Variants in APP observed in about 807,000 individuals in gnomAD.
The protein encoded by APP is amyloid-beta precursor protein.
A neutral mutation model predicts 101.4 loss-of-function variants in APP; 31 were observed. The observed-to-expected ratio is 0.31, with a 90% CI of 0.23 to 0.41. The LOEUF (loss-of-function observed/expected upper bound fraction) is 0.41. APP is among the 10% of genes least tolerant of loss of function. The pLI is 1.00. For synonymous variants in APP, 366 were observed against 364.4 expected (o/e 1.00, Z -0.05); for missense variants, 839 against 1,003.7 (o/e 0.84, Z 2.22).
chr21:25,964,606 C>CTTTTTTTTTTTTTTT (rs150904952), intron 11 of APP, among the ~76,000 whole-genome samples: 1 of 122,568 alleles, frequency 8.2e-6, no homozygotes, highest in Non-Finnish European at 1.7e-5. Context: ...TTTTTCTTTT[C>CTTTTTTTTTTTTTTT]TTTTTTTTTT....
Position 25,956,093 on chromosome 21 carries a change from G to A in APP, c.1459-338C>T, listed in dbSNP as rs140923562. Among the ~76,000 whole-genome samples the A allele has an allele frequency of 3.9e-3, 601 of 152,184 alleles. 4 individuals are homozygous for A. Among genetic ancestry groups the A allele is most frequent in the Non-Finnish European group, 6.3e-3 (429 of 68,008 alleles). ...GGTTAAGTTAGGTCCTTCTCTTTTC[G>A]CACCCAAGGGGCATATGTGAGACTA... On this transcript the variant is annotated intron_variant, in intron 11 of 17. Coordinates refer to ENST00000346798, the MANE Select transcript of APP (RefSeq NM_000484.4).
intron 13 of APP, chr21:25,942,763 C>A (rs903507742): frequency 5.3e-5 from 8 of 152,078 alleles, no homozygotes; most frequent in African/African-American, 1.7e-4. Context: ...ATATATATAT[C>A]CTATCATGGT....
intron 11 of APP, among the ~76,000 whole-genome samples, chr21:25,960,755 T>C (rs1023920396): frequency 5.9e-5 from 9 of 152,164 alleles, no homozygotes; most frequent in African/African-American, 1.4e-4. Flanking sequence ...CTTTTCTTCC[T>C]AATGCCTATT....
intron 13 of APP, among the ~76,000 whole-genome samples, chr21:25,924,759 C>A (rs1210259537): frequency 6.6e-6 from 1 of 151,292 alleles, no homozygotes; most frequent in Non-Finnish European, 1.5e-5. Flanking sequence ...GCACATGTAT[C>A]CCAGAACTTA....
chr21:25,912,839 T>G (rs1051959940), intron 13 of APP, among the ~76,000 whole-genome samples: 1 of 152,236 alleles, frequency 6.6e-6, no homozygotes, highest in Non-Finnish European at 1.5e-5. Flanking sequence ...TTGTATCATG[T>G]GTAATTACTG....
intron 3 of APP, among the ~76,000 whole-genome samples, chr21:26,066,911 T>C (rs1054176881): frequency 1.3e-5 from 2 of 152,102 alleles, no homozygotes; most frequent in African/African-American, 4.8e-5. Flanking sequence ...GCCAGAGAGG[T>C]GCACATAGGG....
intron 1 of APP, among the ~76,000 whole-genome samples, chr21:26,155,767 G>A (rs907257956): frequency 6.6e-6 from 1 of 152,226 alleles, no homozygotes; most frequent in Admixed American, 6.5e-5. Context: ...AGGCCGAGAC[G>A]GGTGGATCAT....
intron 6 of APP, among the ~76,000 whole-genome samples, chr21:26,001,807 G>T (rs2043306377): frequency 6.6e-6 from 1 of 152,266 alleles, no homozygotes; most frequent in Non-Finnish European, 1.5e-5. Context: ...TCCTTCAACA[G>T]ATTGATTCTA....
intron 1 of APP, among the ~76,000 whole-genome samples, chr21:26,157,190 C>T (rs965445981): frequency 6.6e-6 from 1 of 152,140 alleles, no homozygotes; most frequent in South Asian, 2.1e-4. Flanking sequence ...CTGTCTCAGC[C>T]TCCCGAGTAA....
At chr21:26,024,032 A>G (rs1482153255) in intron 5 of APP, among the ~76,000 whole-genome samples, 3 of 152,222 alleles carry the variant, frequency 2.0e-5, no homozygotes, top group African/African-American at 7.2e-5. Flanking sequence ...GAACAAAATT[A>G]AAAAGGCCTA....
At chr21:25,947,601 C>T (rs1253092171) in intron 13 of APP, among the ~76,000 whole-genome samples, 1 of 152,324 alleles carries the variant, frequency 6.6e-6, no homozygotes, top group Admixed American at 6.5e-5. Context: ...GCTAAACTTA[C>T]AGGCCTCATG....
chr21:25,984,384 T>C (rs2042559721), intron 8 of APP, among the ~76,000 whole-genome samples: 1 of 152,152 alleles, frequency 6.6e-6, no homozygotes, highest in African/African-American at 2.4e-5. Flanking sequence ...AAAAGCAGTA[T>C]GTATTTTTCA....
At chr21:25,981,058 G>T (rs1018272860) in intron 9 of APP, among the ~76,000 whole-genome samples, 6 of 152,314 alleles carry the variant, frequency 3.9e-5, no homozygotes, top group Non-Finnish European at 7.4e-5. Flanking sequence ...CAGGTGAATA[G>T]TGGCCCAGAG....
intron 8 of APP, among the ~76,000 whole-genome samples, chr21:25,993,282 C>T (rs2042938144): frequency 1.3e-5 from 1 of 79,914 alleles, no homozygotes; most frequent in African/African-American, 5.1e-5. Flanking sequence ...TACACCTCTG[C>T]ACAAACTATA....
intron 13 of APP, among the ~76,000 whole-genome samples, chr21:25,939,902 CAAGGT>C (rs2040504402): frequency 6.6e-6 from 1 of 151,882 alleles, no homozygotes; most frequent in Admixed American, 6.6e-5. Context: ...GGGACAACAG[CAAGGT>C]ATATTAGGAG....
chr21:25,907,966 G>A (rs997845217), intron 14 of APP, among the ~76,000 whole-genome samples: 1 of 152,172 alleles, frequency 6.6e-6, no homozygotes, highest in Non-Finnish European at 1.5e-5. Context: ...TATAAGACCT[G>A]CTTTGTCTCT....
chr21:25,971,740 CCT>C (rs2146557380), intron 11 of APP, among the ~76,000 whole-genome samples: 2 of 152,286 alleles, frequency 1.3e-5, no homozygotes, highest in South Asian at 4.1e-4. Flanking sequence ...AGGAATAATG[CCT>C]CTTCCCACGA....
chr21:26,019,435 A>G (rs1264046943), intron 6 of APP, among the ~76,000 whole-genome samples: 2 of 151,840 alleles, frequency 1.3e-5, no homozygotes, highest in African/African-American at 4.8e-5. Context: ...CATGCTCTCC[A>G]TGGAACCTTC....
At chr21:26,006,612 T>C (rs1455013336) in intron 6 of APP, among the ~76,000 whole-genome samples, 1 of 152,194 alleles carries the variant, frequency 6.6e-6, no homozygotes, top group Non-Finnish European at 1.5e-5. Context: ...AAAATAATGC[T>C]CAACCACAAA....
Sources: gnomAD v4.1 joint callset for allele counts (sites outside exome capture counted in the v4.1 genomes callset) on GRCh38, gnomAD v4.1.1 for gene constraint, MANE v1.5 for transcripts, NCBI Gene and HGNC (gene_info 2026-07-23, HGNC 2026-07-21) for gene names.